The following RFC4 variants were observed in gnomAD, a reference collection of about 807,000 sequenced individuals.
RFC4 encodes the protein A1 37 kDa subunit.
In RFC4, 38 loss-of-function variants were observed where a neutral mutation model predicts 47.6. The ratio of observed to expected loss-of-function variants is 0.80; its 90% CI spans 0.62 to 1.05. The LOEUF (loss-of-function observed/expected upper bound fraction) is 1.05, where lower values mean the gene tolerates loss of function less well. Ranked by LOEUF, RFC4 falls within the 50% of genes least tolerant of loss-of-function variation. The pLI is 0.00. For synonymous variants in RFC4, 164 were observed against 150.0 expected (o/e 1.09, Z -0.68); for missense variants, 489 against 434.0 (o/e 1.13, Z -1.13).
At chr3:186,804,974 T>C (rs1722445413) in intron 1 of RFC4, 3 of 342,604 alleles carry the variant, frequency 8.8e-6, no homozygotes, top group Admixed American at 9.1e-5. Flanking sequence ...TTAGAATCTA[T>C]TTCTAGTGCA....
rs750384059 is a variant in RFC4, at chr3:186,791,667, T to C, written c.801+58A>G. 4 of 1,524,756 alleles carry C rather than the reference T, an allele frequency of 2.6e-6. No individual in the cohort carries two copies. In the Admixed American group the frequency reaches 6.7e-5, roughly 25 times the overall value. 94.5% of individuals were successfully genotyped at this position (1,524,756 alleles called of 1,614,324 possible). On this transcript the variant is annotated intron_variant, in intron 8 of 10. Coordinates refer to ENST00000296273, the MANE Select transcript of RFC4 (RefSeq NM_002916.5). ...ACCCAGTATTTGTTGGATGAAAATT[T>C]CCTAAAAGCCACAAAAAAGCCAACT...
intron 8 of RFC4, 70 bp downstream of exon 8, chr3:186,791,655 T>G: frequency 7.2e-7 from 1 of 1,384,128 alleles, no homozygotes; most frequent in South Asian, 1.2e-5. Flanking sequence ...CAGTATTTGT[T>G]GGATGAAAAT....
At position 186,803,908 on chromosome 3, in the gene RFC4, G is replaced by A. The variant is rs545364529; in HGVS notation, c.131+675C>T. Among the ~76,000 whole-genome samples, 12 of 152,188 alleles carry A rather than the reference G, an allele frequency of 7.9e-5. No individual in the cohort carries two copies. In the East Asian group the frequency reaches 9.7e-4, roughly 12 times the overall value. On this transcript the variant is annotated intron_variant, in intron 2 of 10. Transcript: ENST00000296273. ...CAAAACTGAATTTCCAGGGCTGGGC[G>A]CGGTGGCTCATGCATGTAATCCCAG... is the stretch of plus-strand genomic sequence containing the variant.
At chr3:186,790,461 A>AG in intron 8 of RFC4, 55 bp from the exon 9 acceptor site, 1 of 1,185,496 alleles carries the variant, frequency 8.4e-7, no homozygotes, top group Non-Finnish European at 1.3e-6. Context: ...CTAGACATAC[A>AG]CTCTGCCAAC....
At position 186,806,091 on chromosome 3, in the gene RFC4, C is replaced by T. The variant is rs141615604; in HGVS notation, c.-12+199G>A. ...TTACTGGATTAGTCCATCCCTGCCT[C>T]GGGCTGTTAAACATTAATACAGCCC... On this transcript the variant is annotated intron_variant, in intron 1 of 10. Transcript: ENST00000296273. 1.7e-3 allele frequency among the ~76,000 whole-genome samples: 261 copies of T among 152,366 alleles called. 1 individual carries two copies. Among genetic ancestry groups the T allele is most frequent in the African/African-American group, 5.0e-3 (206 of 41,588 alleles).
chr3:186,795,668 C>T (rs1333674488), intron 4 of RFC4, among the ~76,000 whole-genome samples: 4 of 152,096 alleles, frequency 2.6e-5, no homozygotes, highest in Non-Finnish European at 4.4e-5. Flanking sequence ...TTACAGGCAC[C>T]TGTAGTGCCA....
intron 4 of RFC4, among the ~76,000 whole-genome samples, chr3:186,795,247 T>C (rs1261615499): frequency 6.6e-6 from 1 of 152,176 alleles, no homozygotes; most frequent in Non-Finnish European, 1.5e-5. Context: ...CACCTTGGCC[T>C]CCCAAAATGT....
chr3:186,791,883 T>C (rs2108468127), intron 7 of RFC4, 33 bp from the exon 8 acceptor site: 4 of 1,572,074 alleles, frequency 2.5e-6, no homozygotes, highest in East Asian at 2.2e-5. Context: ...TAACCTATGA[T>C]GGCCAATTAA....
chr3:186,791,083 G>GT (rs1722117623), intron 8 of RFC4, among the ~76,000 whole-genome samples: 1 of 146,500 alleles, frequency 6.8e-6, no homozygotes, highest in South Asian at 2.1e-4. Flanking sequence ...AATGATTACT[G>GT]TAAGTTGGAT....
intron 7 of RFC4, 32 bp from the exon 8 acceptor site, chr3:186,791,882 A>G (rs199965042): frequency 5.1e-6 from 8 of 1,571,698 alleles, no homozygotes; most frequent in Non-Finnish European, 1.7e-6. Flanking sequence ...TTAACCTATG[A>G]TGGCCAATTA....
chr3:186,803,565 G>A (rs943488153), intron 2 of RFC4, among the ~76,000 whole-genome samples: 27 of 151,584 alleles, frequency 1.8e-4, no homozygotes, highest in Non-Finnish European at 3.8e-4. Context: ...ATGCAGTGGT[G>A]TGATCTCAGC....
intron 3 of RFC4, among the ~76,000 whole-genome samples, chr3:186,798,997 A>G (rs746260546): frequency 6.6e-6 from 1 of 152,236 alleles, no homozygotes; most frequent in East Asian, 1.9e-4. Flanking sequence ...TTACTGTTAC[A>G]TTCATAACAT....
intron 8 of RFC4, 181 bp downstream of exon 8, chr3:186,791,544 A>C: frequency 1.6e-6 from 1 of 640,602 alleles, no homozygotes; most frequent in Non-Finnish European, 2.8e-6. Context: ...CATGCCTGAC[A>C]AACTGAAAAG....
chr3:186,791,940 C>A, intron 7 of RFC4, 90 bp from the exon 8 acceptor site: 3 of 1,149,730 alleles, frequency 2.6e-6, no homozygotes, highest in Non-Finnish European at 3.7e-6. Context: ...GTGAAAAACC[C>A]TGTTTTAGTC....
Position 186,800,871 on chromosome 3 carries a change from A to C in RFC4, c.210+246T>G, listed in dbSNP as rs556984056. 2.9e-4 allele frequency among the ~76,000 whole-genome samples: 44 copies of C among 152,286 alleles called. No individual in the cohort carries two copies. The South Asian group carries it at 9.1e-3, about 32-fold the overall frequency. On this transcript the variant is annotated intron_variant, in intron 3 of 10. Coordinates refer to ENST00000296273, the MANE Select transcript of RFC4 (RefSeq NM_002916.5). ...ATGTTTTATGTCTTGTTCTATGTCT[A>C]TGTTTCATAGTTTGTCTTAATTACT...
chr3:186,799,166 CAG>C (rs1280959961), intron 3 of RFC4, among the ~76,000 whole-genome samples: 1 of 152,112 alleles, frequency 6.6e-6, no homozygotes, highest in East Asian at 1.9e-4. Context: ...TTCTTTGAAA[CAG>C]GGTAAAATTA....
chr3:186,792,507 C>G lies in RFC4; in HGVS notation c.658G>C (p.Val220Leu), dbSNP rs1357847082. 1.2e-6 allele frequency: 2 copies of G among 1,612,556 alleles called. No homozygotes were observed. Among genetic ancestry groups the G allele is most frequent in the African/African-American group, 2.7e-5 (2 of 74,920 alleles). ...GTAATTACCTCATCACTAATTTTGA[C>G]ATTTTCCTTCTTGGCAATGTCTAGT... Reference protein sequence around the residue: ...RLLDIAKKENVKISDEGIAYL... With the variant: ...RLLDIAKKENLKISDEGIAYL... Residue 220 changes from valine (V) to leucine (L), a missense_variant, in exon 7 of 11, where the codon GTC (valine) becomes CTC (leucine). Around this residue, in one of 2 missense-constraint regions of RFC4, gnomAD observed 283 missense variants for 176.2 expected, o/e 1.61. Coordinates refer to ENST00000296273, the MANE Select transcript of RFC4 (RefSeq NM_002916.5).
At chr3:186,804,505 A>C (rs1184146737) in intron 2 of RFC4, 78 bp downstream of exon 2, 1 of 176,134 alleles carries the variant, frequency 5.7e-6, no homozygotes, top group Admixed American at 7.1e-5. Flanking sequence ...TCCATAAGTT[A>C]AAAAAAAAAA....
intron 3 of RFC4, among the ~76,000 whole-genome samples, chr3:186,797,823 A>C (rs1242937290): frequency 6.6e-6 from 1 of 152,166 alleles, no homozygotes; most frequent in African/African-American, 2.4e-5. Flanking sequence ...TTTTTCCCCA[A>C]GTGTCTTTTT....
Sources: gnomAD v4.1 joint callset for allele counts (sites outside exome capture counted in the v4.1 genomes callset) on GRCh38, gnomAD v4.1.1 for gene constraint, gnomAD v4.1.1 regional missense constraint, MANE v1.5 for transcripts, NCBI Gene and HGNC (gene_info 2026-07-23, HGNC 2026-07-21) for gene names.